Variants in CADM2 observed in about 807,000 individuals in gnomAD.
The protein encoded by CADM2 is cell adhesion molecule 2, also known as immunoglobulin superfamily member 4D.
A neutral mutation model predicts 49.8 loss-of-function variants in CADM2; 12 were observed. The ratio of observed to expected loss-of-function variants is 0.24; its 90% CI spans 0.15 to 0.39. CADM2 has a LOEUF of 0.39. CADM2 is among the 10% of genes least tolerant of loss of function. The probability of loss-of-function intolerance (pLI) is 1.00; values close to 1 mark genes in which losing one functional copy is unlikely to be tolerated. For missense variants in CADM2, 378 were observed against 492.3 expected (o/e 0.77, Z 2.20); for synonymous variants, 214 against 175.4 (o/e 1.22, Z -1.74).
intron 8 of CADM2, among the ~76,000 whole-genome samples, chr3:85,967,046 A>C (rs1436821085): frequency 6.6e-6 from 1 of 151,830 alleles, no homozygotes; most frequent in Middle Eastern, 3.4e-3. Flanking sequence ...AGAATCAATA[A>C]GATTGCTACT....
intron 6 of CADM2, among the ~76,000 whole-genome samples, chr3:85,924,583 C>T (rs1719578891): frequency 8.4e-6 from 1 of 119,212 alleles, no homozygotes; most frequent in Non-Finnish European, 1.7e-5. Context: ...CAAAATGAAA[C>T]AACATCTAAA....
chr3:86,014,789 C>G, intron 8 of CADM2: 1 of 1,474,152 alleles, frequency 6.8e-7, no homozygotes, highest in Non-Finnish European at 9.1e-7. Context: ...AATAGAAACA[C>G]AGGAGGAAAG....
At chr3:85,889,155 G>A (rs1714083141) in intron 5 of CADM2, among the ~76,000 whole-genome samples, 1 of 152,096 alleles carries the variant, frequency 6.6e-6, no homozygotes, top group African/African-American at 2.4e-5. Flanking sequence ...ACATGTTATG[G>A]AGAATATTTT....
intron 3 of CADM2, among the ~76,000 whole-genome samples, chr3:85,829,504 G>T (rs1374206195): frequency 6.6e-6 from 1 of 151,886 alleles, no homozygotes; most frequent in Non-Finnish European, 1.5e-5. Flanking sequence ...AATAAAGATT[G>T]TATATATTTA....
intron 1 of CADM2, among the ~76,000 whole-genome samples, chr3:85,342,761 A>T (rs2030026759): frequency 6.6e-6 from 1 of 152,164 alleles, no homozygotes; most frequent in African/African-American, 2.4e-5. Flanking sequence ...AAGAAAGAGT[A>T]GTTATGGATT....
intron 1 of CADM2, among the ~76,000 whole-genome samples, chr3:85,357,850 G>T (rs1214927427): frequency 6.6e-6 from 1 of 152,072 alleles, no homozygotes; most frequent in Non-Finnish European, 1.5e-5. Flanking sequence ...GTTTCTAAGG[G>T]AATGAGTCAC....
chr3:85,365,084 A>T (rs1479155968), intron 1 of CADM2, among the ~76,000 whole-genome samples: 1 of 152,018 alleles, frequency 6.6e-6, no homozygotes, highest in Non-Finnish European at 1.5e-5. Flanking sequence ...ACAATATTTA[A>T]AAAGACAAAG....
At chr3:84,982,383 T>C (rs2107140101) in intron 1 of CADM2, among the ~76,000 whole-genome samples, 1 of 152,176 alleles carries the variant, frequency 6.6e-6, no homozygotes, top group East Asian at 1.9e-4. Context: ...ATTTTTATGA[T>C]GATTTATGCA....
intron 1 of CADM2, among the ~76,000 whole-genome samples, chr3:85,187,123 G>A (rs1033586604): frequency 1.3e-5 from 2 of 152,124 alleles, no homozygotes; most frequent in African/African-American, 4.8e-5. Flanking sequence ...TTGGTATGCA[G>A]AGGATTTACA....
chr3:85,373,231 C>G lies in CADM2; in HGVS notation c.62-353291C>G, dbSNP rs6810267. On this transcript the variant is annotated intron_variant, in intron 1 of 9. Coordinates refer to ENST00000383699, the MANE Select transcript of CADM2 (RefSeq NM_001167675.2). ...GGGCTACAGGCATTGGTAAATACAC[C>G]CATTCCAAATGGGATAAATTGGCCA... Among the ~76,000 whole-genome samples, 762 of 152,182 alleles carry G rather than the reference C, an allele frequency of 5.0e-3. 5 individuals are homozygous for G. The highest frequency in any genetic ancestry group is 0.016 in the African/African-American group (671 of 41,516).
At position 85,474,965 on chromosome 3, in the gene CADM2, C is replaced by T. The variant is rs111405398; in HGVS notation, c.62-251557C>T. ...TCAAGGAAAGATTTTATAGACATTGCTCTGAGCAAAATCACAGTAACACAC... is the reference window on the plus strand; with the variant it reads ...TCAAGGAAAGATTTTATAGACATTGTTCTGAGCAAAATCACAGTAACACAC... On this transcript the variant is annotated intron_variant, in intron 1 of 9. Coordinates refer to ENST00000383699, the MANE Select transcript of CADM2 (RefSeq NM_001167675.2). 3.2e-3 allele frequency among the ~76,000 whole-genome samples: 486 copies of T among 151,964 alleles called. 3 individuals carry two copies. Among genetic ancestry groups the T allele is most frequent in the African/African-American group, 0.01 (426 of 41,492 alleles).
At chr3:85,963,983 C>T (rs1725162492) in intron 8 of CADM2, among the ~76,000 whole-genome samples, 2 of 151,926 alleles carry the variant, frequency 1.3e-5, no homozygotes, top group South Asian at 4.1e-4. Context: ...AACAGTGAAA[C>T]CATATTATGC....
intron 1 of CADM2, among the ~76,000 whole-genome samples, chr3:85,286,829 A>G (rs1288750419): frequency 6.6e-6 from 1 of 152,110 alleles, no homozygotes; most frequent in East Asian, 1.9e-4. Context: ...AGAGGCATTT[A>G]GTATTGTCTA....
intron 1 of CADM2, among the ~76,000 whole-genome samples, chr3:85,343,968 C>A (rs1029790380): frequency 6.6e-6 from 1 of 152,158 alleles, no homozygotes; most frequent in Non-Finnish European, 1.5e-5. Context: ...AGCATTTTTA[C>A]AGAATTTTTG....
intron 1 of CADM2, among the ~76,000 whole-genome samples, chr3:85,354,618 C>CAGAGGAGAGAGAG (rs1553712789): frequency 2.3e-5 from 3 of 130,158 alleles, no homozygotes; most frequent in Non-Finnish European, 4.9e-5. Flanking sequence ...GAATACCTAA[C>CAGAGGAGAGAGAG]AGAGAGAGAG....
At chr3:86,039,560 T>C (rs2107225112) in intron 8 of CADM2, among the ~76,000 whole-genome samples, 1 of 152,202 alleles carries the variant, frequency 6.6e-6, no homozygotes, top group Non-Finnish European at 1.5e-5. Context: ...TTGCCTAGGC[T>C]TCAGTAGGTA....
intron 1 of CADM2, among the ~76,000 whole-genome samples, chr3:85,675,443 T>TA (rs1368806755): frequency 2.0e-5 from 3 of 152,204 alleles, no homozygotes; most frequent in Non-Finnish European, 4.4e-5. Context: ...AACTTAATGT[T>TA]AAAAAAGATC....
chr3:85,604,951 A>G (rs1252169390), intron 1 of CADM2, among the ~76,000 whole-genome samples: 1 of 152,002 alleles, frequency 6.6e-6, no homozygotes, highest in Non-Finnish European at 1.5e-5. Context: ...ACCCTGATGC[A>G]AAGGTTTCAT....
intron 1 of CADM2, among the ~76,000 whole-genome samples, chr3:85,537,493 TTTGTGTG>T (rs1553738467): frequency 4.2e-5 from 1 of 24,046 alleles, no homozygotes; most frequent in Non-Finnish European, 1.9e-4. Context: ...TGCATGGTTG[TTTGTGTG>T]TGTGTGTGTG....
Sources: allele counts gnomAD v4.1 joint callset (sites outside exome capture counted in the v4.1 genomes callset), GRCh38; gene constraint gnomAD v4.1.1; transcripts MANE v1.5; gene names NCBI Gene and HGNC (gene_info 2026-07-23, HGNC 2026-07-21).